Variants in CENPP observed in about 807,000 individuals in gnomAD.
The protein encoded by CENPP is centromere protein P.
In CENPP, 24 loss-of-function variants were observed where a neutral mutation model predicts 35.6. The ratio of observed to expected loss-of-function variants is 0.67; its 90% CI spans 0.49 to 0.95. The LOEUF is 0.95. CENPP is among the 40% of genes least tolerant of loss of function. The pLI, the probability that CENPP is intolerant of heterozygous loss-of-function variation, is 0.00. For synonymous variants in CENPP, 120 were observed against 125.5 expected (o/e 0.96, Z 0.29); for missense variants, 332 against 345.3 (o/e 0.96, Z 0.31).
At chr9:92,466,314 G>T (rs1368759391) in intron 5 of CENPP, 1 of 1,265,970 alleles carries the variant, frequency 7.9e-7, no homozygotes, top group Non-Finnish European at 1.1e-6. Flanking sequence ...ACATCTGCTT[G>T]TTTGTTATAA....
intron 5 of CENPP, among the ~76,000 whole-genome samples, chr9:92,512,878 G>A (rs1847440935): frequency 1.3e-5 from 2 of 152,142 alleles, no homozygotes; most frequent in Admixed American, 1.3e-4. Flanking sequence ...TTTTCTTAGG[G>A]CAGAGCATAC....
rs75412638 is a variant in CENPP, at chr9:92,354,849, C to T, written c.467+9062C>T. On this transcript the variant is annotated intron_variant, in intron 4 of 7. Transcript: ENST00000375587. ...AAAGAGAGGAATTTTACAGCTGGGC[C>T]GCTGGGGGTGACGTCACATATCAGT... Among the ~76,000 whole-genome samples, 674 of 152,136 alleles carry T rather than the reference C, an allele frequency of 4.4e-3. 4 individuals carry two copies. Among genetic ancestry groups the T allele is most frequent in the African/African-American group, 0.014 (581 of 41,506 alleles).
intron 7 of CENPP, 93 bp from the exon 8 acceptor site, chr9:92,612,926 G>A: frequency 1.4e-6 from 2 of 1,454,836 alleles, no homozygotes; most frequent in East Asian, 4.5e-5. Context: ...CGGGAGGAGT[G>A]CGGGGTCTTG....
chr9:92,438,919 C>G (rs535219941), intron 5 of CENPP, among the ~76,000 whole-genome samples: 1 of 152,318 alleles, frequency 6.6e-6, no homozygotes, highest in African/African-American at 2.4e-5. Context: ...TTACTGCACT[C>G]CAGCCTGTGT....
At chr9:92,434,741 ATT>A (rs900462415) in intron 5 of CENPP, among the ~76,000 whole-genome samples, 132 of 152,180 alleles carry the variant, frequency 8.7e-4, no homozygotes, top group African/African-American at 3.1e-3. Context: ...TCAGACCTTA[ATT>A]TTTTAAAAAG....
intron 5 of CENPP, among the ~76,000 whole-genome samples, chr9:92,409,832 G>A (rs1033193065): frequency 6.6e-6 from 1 of 152,146 alleles, no homozygotes; most frequent in Non-Finnish European, 1.5e-5. Flanking sequence ...CTGTAGCTCC[G>A]ATAGGTAACT....
intron 4 of CENPP, among the ~76,000 whole-genome samples, chr9:92,367,775 G>GC (rs1418399885): frequency 6.6e-6 from 1 of 151,976 alleles, no homozygotes; most frequent in Non-Finnish European, 1.5e-5. Flanking sequence ...CCGCCATCAC[G>GC]CCCAGCTAGT....
intron 5 of CENPP, among the ~76,000 whole-genome samples, chr9:92,395,082 C>T (rs999839655): frequency 3.3e-5 from 5 of 151,942 alleles, no homozygotes; most frequent in Non-Finnish European, 4.4e-5. Flanking sequence ...GTATTTAAAT[C>T]GTACAACATA....
At chr9:92,457,763 CAGAT>C (rs1201419274) in intron 5 of CENPP, among the ~76,000 whole-genome samples, 1 of 150,606 alleles carries the variant, frequency 6.6e-6, no homozygotes, top group Admixed American at 6.6e-5. Context: ...TCTCTCTCTC[CAGAT>C]AGATAGATAG....
intron 4 of CENPP, among the ~76,000 whole-genome samples, chr9:92,346,602 C>T (rs1841301240): frequency 6.6e-6 from 1 of 152,014 alleles, no homozygotes; most frequent in African/African-American, 2.4e-5. Flanking sequence ...TTGAGCAGGG[C>T]CTGAGGAAAG....
intron 5 of CENPP, among the ~76,000 whole-genome samples, chr9:92,411,656 A>G (rs1248765838): frequency 6.6e-6 from 1 of 152,212 alleles, no homozygotes; most frequent in Non-Finnish European, 1.5e-5. Flanking sequence ...GAGAATTAAA[A>G]TGTATTTTCT....
chr9:92,610,290 G>A (rs1247298401), intron 5 of CENPP, among the ~76,000 whole-genome samples: 12 of 152,190 alleles, frequency 7.9e-5, no homozygotes, highest in Middle Eastern at 3.4e-3. Flanking sequence ...TCTTGACCTC[G>A]TGATCCACCC....
chr9:92,561,919 C>G (rs530116798), intron 5 of CENPP, among the ~76,000 whole-genome samples: 5 of 152,300 alleles, frequency 3.3e-5, no homozygotes, highest in South Asian at 4.1e-4. Flanking sequence ...CTATTATCCT[C>G]CAGTTTACAG....
chr9:92,452,567 T>G lies in CENPP; in HGVS notation c.564+72708T>G, dbSNP rs1169976321. On this transcript the variant is annotated intron_variant, in intron 5 of 7. Transcript: ENST00000375587. ...ATATTGGTCTAAAATTCTCCTTTTT[T>G]GTGGTGTCTCTGCCAGGCTTTGGTA... Among the ~76,000 whole-genome samples the G allele has an allele frequency of 2.3e-3, 344 of 152,034 alleles. 3 individuals are homozygous for G. The highest frequency in any genetic ancestry group is 0.014 in the Middle Eastern group (4 of 292).
intron 5 of CENPP, chr9:92,385,802 C>T (rs2236529): frequency 1.9e-5 from 31 of 1,612,602 alleles, no homozygotes; most frequent in Middle Eastern, 1.6e-4. Context: ...TGAAAAAAAA[C>T]GAGGAAAACA....
chr9:92,419,450 TC>T (rs1238039796), intron 5 of CENPP, among the ~76,000 whole-genome samples: 1 of 151,624 alleles, frequency 6.6e-6, no homozygotes. Context: ...ACAGGTGCAC[TC>T]CACCACACCC....
chr9:92,600,376 ATT>A (rs1850879617), intron 5 of CENPP: 1 of 1,583,788 alleles, frequency 6.3e-7, no homozygotes, highest in East Asian at 2.3e-5. Context: ...ATTGGGATAT[ATT>A]TCCAGTAGAG....
rs750051509 is a variant in CENPP, at chr9:92,345,726, A to T, written c.406A>T (p.Thr136Ser). 6.3e-7 allele frequency: 1 copy of T among 1,595,706 alleles called. No individual in the cohort carries two copies. Among genetic ancestry groups the T allele is most frequent in the South Asian group, 1.1e-5 (1 of 89,940 alleles). Residue 136 changes from threonine to serine, a missense_variant, in exon 4 of 8, where the codon ACT (threonine) becomes TCT (serine). Physicochemically the swap from Thr to Ser is moderately conservative, Grantham distance 58. Transcript: ENST00000375587. Reference protein sequence around the residue: ...QNKERLSSAVTDLNIIMEPTE... With the variant: ...QNKERLSSAVSDLNIIMEPTE... ...TAAGGAGAGATTATCTTCTGCTGTT[A>T]CTGACCTCAACATAATAATGGAGCC...
At chr9:92,511,356 A>C (rs1847327627) in intron 5 of CENPP, among the ~76,000 whole-genome samples, 1 of 128,772 alleles carries the variant, frequency 7.8e-6, no homozygotes, top group Non-Finnish European at 1.6e-5. Context: ...CAAACTCCTG[A>C]CCTCATGATC....
Sources: allele counts gnomAD v4.1 joint callset (sites outside exome capture counted in the v4.1 genomes callset), GRCh38; gene constraint gnomAD v4.1.1; transcripts MANE v1.5; gene names NCBI Gene and HGNC (gene_info 2026-07-23, HGNC 2026-07-21).